The following HFM1 variants were observed in gnomAD, a reference collection of about 807,000 sequenced individuals.
HFM1 encodes helicase for meiosis 1.
A neutral mutation model predicts 192.1 loss-of-function variants in HFM1; 169 were observed. The ratio of observed to expected loss-of-function variants is 0.88; its 90% CI spans 0.78 to 1.00. The LOEUF is 1.00. Among genes scored for constraint, HFM1 ranks in the 50% least tolerant of loss-of-function variants. HFM1 has a pLI of 0.00. For missense variants in HFM1, 1,661 were observed against 1,668.0 expected (o/e 1.00, Z 0.07); for synonymous variants, 525 against 537.8 (o/e 0.98, Z 0.33).
intron 32 of HFM1, among the ~76,000 whole-genome samples, chr1:91,276,359 T>C (rs1341285814): frequency 2.0e-5 from 3 of 152,190 alleles, no homozygotes; most frequent in African/African-American, 7.2e-5. Context: ...AATTCTATGA[T>C]TGGGAATAAG....
At chr1:91,358,685 TCCC>T (rs1358258086) in intron 13 of HFM1, among the ~76,000 whole-genome samples, 1 of 152,098 alleles carries the variant, frequency 6.6e-6, no homozygotes, top group East Asian at 1.9e-4. Flanking sequence ...ATCATAAAAC[TCCC>T]AGAAGAGAAC....
At chr1:91,389,264 T>G (rs531446638) in intron 4 of HFM1, among the ~76,000 whole-genome samples, 24 of 148,962 alleles carry the variant, frequency 1.6e-4, no homozygotes, top group South Asian at 1.1e-3. Flanking sequence ...CGGGTTCAAG[T>G]GATTCTCCTG....
At chr1:91,364,607 C>CATATACATATAT (rs1184768932) in intron 13 of HFM1, among the ~76,000 whole-genome samples, 1 of 97,924 alleles carries the variant, frequency 1.0e-5, no homozygotes, top group African/African-American at 4.3e-5. Context: ...TATACATATA[C>CATATACATATAT]ATATATATAT....
At chr1:91,314,936 T>C (rs1650984268) in intron 28 of HFM1, among the ~76,000 whole-genome samples, 1 of 152,182 alleles carries the variant, frequency 6.6e-6, no homozygotes, top group African/African-American at 2.4e-5. Context: ...AAACCTTGCA[T>C]GCGACTTTTT....
chr1:91,342,816 T>C (rs1655544340), intron 20 of HFM1, among the ~76,000 whole-genome samples: 1 of 152,206 alleles, frequency 6.6e-6, no homozygotes, highest in African/African-American at 2.4e-5. Flanking sequence ...ATAAAAAGCA[T>C]ATTAAAAGCA....
intron 30 of HFM1, 78 bp downstream of exon 30, chr1:91,313,271 G>A (rs1650734168): frequency 1.4e-6 from 1 of 704,814 alleles, no homozygotes. Context: ...TCTGAGTGTT[G>A]CAGTACTATA....
At chr1:91,393,201 T>C (rs1453712224) in intron 4 of HFM1, among the ~76,000 whole-genome samples, 1 of 152,178 alleles carries the variant, frequency 6.6e-6, no homozygotes, top group Non-Finnish European at 1.5e-5. Context: ...AGTCCTACCA[T>C]TATTCTAATT....
intron 30 of HFM1, among the ~76,000 whole-genome samples, chr1:91,288,560 G>A (rs1388678827): frequency 2.6e-5 from 4 of 151,862 alleles, no homozygotes; most frequent in Admixed American, 1.3e-4. Context: ...GGGTACTTGA[G>A]ATTAGGGAGT....
At chr1:91,276,133 T>G (rs956433859) in intron 32 of HFM1, among the ~76,000 whole-genome samples, 1 of 152,156 alleles carries the variant, frequency 6.6e-6, no homozygotes. Flanking sequence ...TATTTAGCTA[T>G]CCCTTCCTAC....
intron 13 of HFM1, among the ~76,000 whole-genome samples, chr1:91,354,021 A>C (rs2101758221): frequency 6.6e-6 from 1 of 151,912 alleles, no homozygotes; most frequent in Admixed American, 6.6e-5. Flanking sequence ...AGAAATTTGT[A>C]AACTGTCTGA....
intron 13 of HFM1, among the ~76,000 whole-genome samples, chr1:91,365,245 C>T (rs535136293): frequency 2.6e-4 from 39 of 151,988 alleles, no homozygotes; most frequent in African/African-American, 8.9e-4. Context: ...AAAGGATATA[C>T]AGAAAAGCAG....
At chr1:91,379,306 C>T (rs1332234965) in intron 8 of HFM1, 92 bp from the exon 9 acceptor site, 3 of 921,386 alleles carry the variant, frequency 3.3e-6, no homozygotes, top group Middle Eastern at 3.0e-4. Context: ...ATAAAAAATA[C>T]ACATCTACAT....
At chr1:91,267,041 C>A (rs1299130299) in intron 35 of HFM1, among the ~76,000 whole-genome samples, 1 of 152,104 alleles carries the variant, frequency 6.6e-6, no homozygotes, top group African/African-American at 2.4e-5. Flanking sequence ...CCAGTCTGCA[C>A]TGAGAAGGCT....
At chr1:91,366,558 A>G (rs1659339058) in intron 13 of HFM1, among the ~76,000 whole-genome samples, 1 of 152,178 alleles carries the variant, frequency 6.6e-6, no homozygotes, top group Non-Finnish European at 1.5e-5. Context: ...CCTTTATTCT[A>G]TTACTAGTTT....
At chr1:91,312,819 C>T (rs1376438318) in intron 30 of HFM1, among the ~76,000 whole-genome samples, 1 of 152,098 alleles carries the variant, frequency 6.6e-6, no homozygotes, top group Non-Finnish European at 1.5e-5. Flanking sequence ...AATTGTATCT[C>T]CCAGAATTCC....
intron 34 of HFM1, among the ~76,000 whole-genome samples, chr1:91,269,733 T>C (rs930736518): frequency 5.3e-5 from 8 of 152,160 alleles, no homozygotes; most frequent in Non-Finnish European, 1.0e-4. Flanking sequence ...CCTGAGGTGA[T>C]AACATATGAA....
At chr1:91,313,599 A>G (rs1242916444) in intron 29 of HFM1, 104 bp from the exon 30 acceptor site, 1 of 698,688 alleles carries the variant, frequency 1.4e-6, no homozygotes, top group African/African-American at 1.8e-5. Context: ...TAACTTCTAG[A>G]GCTAAGAAGT....
intron 20 of HFM1, among the ~76,000 whole-genome samples, chr1:91,341,722 CAAAT>C (rs1303499318): frequency 1.3e-5 from 2 of 151,342 alleles, no homozygotes; most frequent in African/African-American, 4.9e-5. Context: ...AGAAACCAGA[CAAAT>C]AAACACAATC....
chr1:91,338,939 G>A, intron 20 of HFM1: 1 of 455,844 alleles, frequency 2.2e-6, no homozygotes, highest in Non-Finnish European at 4.4e-6. Flanking sequence ...ACCCTCCAGT[G>A]CAGCAGGTAC....
Sources: gnomAD v4.1 joint callset for allele counts (sites outside exome capture counted in the v4.1 genomes callset) on GRCh38, gnomAD v4.1.1 for gene constraint, MANE v1.5 for transcripts, NCBI Gene and HGNC (gene_info 2026-07-23, HGNC 2026-07-21) for gene names.